CCDC102B: variants seen among roughly 807,000 people sequenced by gnomAD.
The protein encoded by CCDC102B is coiled-coil domain-containing protein 102B.
A neutral mutation model predicts 57.4 loss-of-function variants in CCDC102B; 75 were observed. The observed-to-expected ratio is 1.31, with a 90% CI of 1.08 to 1.58. The LOEUF (loss-of-function observed/expected upper bound fraction) is 1.58. Ranked by LOEUF, CCDC102B falls within the 40% of genes most tolerant of loss-of-function variation. The pLI, the probability that CCDC102B is intolerant of heterozygous loss-of-function variation, is 0.00. For synonymous variants in CCDC102B, 206 were observed against 201.9 expected (o/e 1.02, Z -0.17); for missense variants, 636 against 582.6 (o/e 1.09, Z -0.94).
intron 6 of CCDC102B, among the ~76,000 whole-genome samples, chr18:68,996,113 C>T (rs2051020999): frequency 6.6e-6 from 1 of 152,058 alleles, no homozygotes; most frequent in African/African-American, 2.4e-5. Flanking sequence ...GAGGGTGTTG[C>T]CAAAGGAGAT....
At chr18:68,851,433 T>C (rs1568287898) in intron 4 of CCDC102B, among the ~76,000 whole-genome samples, 2 of 152,214 alleles carry the variant, frequency 1.3e-5, no homozygotes, top group African/African-American at 4.8e-5. Flanking sequence ...AAATGAAGCA[T>C]GTGGGATACC....
At position 68,765,837 on chromosome 18, in the gene CCDC102B, T is replaced by C. The variant is rs58707993; in HGVS notation, c.-67+49243T>C. 2.8e-3 allele frequency among the ~76,000 whole-genome samples: 429 copies of C among 152,194 alleles called. 3 individuals are homozygous for C. Among genetic ancestry groups the C allele is most frequent in the African/African-American group, 9.3e-3 (387 of 41,516 alleles). ...TCTGATGTAACTCATACTTTTTCTT[T>C]CTTTCTTTCTTTTTTTTAGTTTTCT... On this transcript the variant is annotated intron_variant, in intron 2 of 3. Coordinates refer to the CCDC102B transcript ENST00000578970.
At chr18:68,913,310 C>CTCTGTGTGTG (rs558373265) in intron 6 of CCDC102B, among the ~76,000 whole-genome samples, 1 of 135,498 alleles carries the variant, frequency 7.4e-6, no homozygotes, top group African/African-American at 2.8e-5. Context: ...TGGTTAGTGT[C>CTCTGTGTGTG]TGTGTGTGTG....
At chr18:68,838,209 T>G (rs1279149312) in intron 2 of CCDC102B, among the ~76,000 whole-genome samples, 1 of 152,192 alleles carries the variant, frequency 6.6e-6, no homozygotes, top group Non-Finnish European at 1.5e-5. Flanking sequence ...AAATTCTATT[T>G]AGATGTGACT....
chr18:69,028,090 C>G (rs2052040666), intron 7 of CCDC102B, among the ~76,000 whole-genome samples: 1 of 152,000 alleles, frequency 6.6e-6, no homozygotes, highest in African/African-American at 2.4e-5. Context: ...ATCCATTTGA[C>G]AAAAAGACAA....
chr18:68,974,821 A>G (rs1380293504), intron 6 of CCDC102B, among the ~76,000 whole-genome samples: 2 of 151,952 alleles, frequency 1.3e-5, no homozygotes, highest in African/African-American at 4.8e-5. Flanking sequence ...TAGAAAAATA[A>G]GATTTTATGA....
chr18:68,785,414 C>T (rs2035167076), intron 2 of CCDC102B, among the ~76,000 whole-genome samples: 1 of 152,138 alleles, frequency 6.6e-6, no homozygotes. Context: ...TTGACTTCCA[C>T]AATGGTTGAA....
chr18:68,884,030 C>A (rs949472261), intron 5 of CCDC102B, among the ~76,000 whole-genome samples: 5 of 152,062 alleles, frequency 3.3e-5, no homozygotes, highest in Non-Finnish European at 7.4e-5. Context: ...TAGTGGTAGT[C>A]TGTGGGGAAA....
At chr18:68,976,169 A>G (rs377214295) in intron 6 of CCDC102B, among the ~76,000 whole-genome samples, 1 of 152,020 alleles carries the variant, frequency 6.6e-6, no homozygotes, top group Non-Finnish European at 1.5e-5. Flanking sequence ...ATTTGTATTT[A>G]TGTATACAGC....
intron 4 of CCDC102B, among the ~76,000 whole-genome samples, chr18:68,864,189 A>G (rs2038878277): frequency 6.6e-6 from 1 of 151,914 alleles, no homozygotes; most frequent in African/African-American, 2.4e-5. Flanking sequence ...TTAGCATTTT[A>G]TTTATTTTCA....
intron 6 of CCDC102B, among the ~76,000 whole-genome samples, chr18:69,007,420 A>G (rs970944381): frequency 2.0e-5 from 3 of 152,222 alleles, no homozygotes; most frequent in Non-Finnish European, 4.4e-5. Context: ...TTTAAGTGAT[A>G]AACATTTTTA....
intron 6 of CCDC102B, among the ~76,000 whole-genome samples, chr18:68,990,789 TTATAGA>T (rs1200810941): frequency 6.6e-6 from 1 of 152,154 alleles, no homozygotes; most frequent in Non-Finnish European, 1.5e-5. Flanking sequence ...CATAAATCTT[TTATAGA>T]TATAGGTACT....
intron 4 of CCDC102B, among the ~76,000 whole-genome samples, chr18:68,860,016 G>A (rs1203099097): frequency 1.2e-4 from 9 of 77,722 alleles, no homozygotes; most frequent in Admixed American, 7.4e-4. Flanking sequence ...TGTTTATTGC[G>A]GCATTATTCA....
intron 5 of CCDC102B, among the ~76,000 whole-genome samples, chr18:68,894,208 C>T (rs1352579358): frequency 6.6e-6 from 1 of 151,876 alleles, no homozygotes; most frequent in African/African-American, 2.4e-5. Flanking sequence ...TAAATAAGCT[C>T]AATAAATATT....
chr18:68,882,280 T>G (rs189333738), intron 5 of CCDC102B, among the ~76,000 whole-genome samples: 90 of 152,318 alleles, frequency 5.9e-4, no homozygotes, highest in Non-Finnish European at 7.5e-4. Flanking sequence ...TGTCAGAACA[T>G]CCAACCTCTT....
intron 2 of CCDC102B, among the ~76,000 whole-genome samples, chr18:68,837,847 C>T (rs1369414375): frequency 6.6e-6 from 1 of 152,154 alleles, no homozygotes; most frequent in Non-Finnish European, 1.5e-5. Context: ...TCAATACTTT[C>T]CGTGAACAAC....
At chr18:68,742,810 G>A (rs914741601) in intron 2 of CCDC102B, among the ~76,000 whole-genome samples, 1 of 152,122 alleles carries the variant, frequency 6.6e-6, no homozygotes, top group African/African-American at 2.4e-5. Context: ...AATGTGCTGG[G>A]TATAGAGACA....
At chr18:68,851,843 T>C (rs191031698) in intron 4 of CCDC102B, among the ~76,000 whole-genome samples, 92 of 152,264 alleles carry the variant, frequency 6.0e-4, no homozygotes, top group Admixed American at 2.6e-3. Context: ...CCTCACACAA[T>C]GGCAATGTTT....
intron 6 of CCDC102B, among the ~76,000 whole-genome samples, chr18:68,949,151 T>A (rs907180322): frequency 6.6e-6 from 1 of 152,088 alleles, no homozygotes; most frequent in Non-Finnish European, 1.5e-5. Flanking sequence ...TCACCCAGAT[T>A]GAGGGTGGGT....
Sources: allele counts gnomAD v4.1 joint callset (sites outside exome capture counted in the v4.1 genomes callset), GRCh38; gene constraint gnomAD v4.1.1; transcripts MANE v1.5; gene names NCBI Gene and HGNC (gene_info 2026-07-23, HGNC 2026-07-21).